Variants in STK32B observed in about 807,000 individuals in gnomAD.
The protein encoded by STK32B is serine/threonine-protein kinase 32B.
A neutral mutation model predicts 52.6 loss-of-function variants in STK32B; 43 were observed. The observed-to-expected ratio is 0.82, with a 90% confidence interval of 0.64 to 1.05. The LOEUF is 1.05. STK32B is among the 50% of genes least tolerant of loss of function. The pLI is 0.00. For missense variants in STK32B, 621 were observed against 534.6 expected (o/e 1.16, Z -1.59); for synonymous variants, 238 against 204.3 (o/e 1.17, Z -1.41).
intron 3 of STK32B, among the ~76,000 whole-genome samples, chr4:5,292,752 G>T (rs1428393896): frequency 6.6e-6 from 1 of 151,778 alleles, no homozygotes; most frequent in Non-Finnish European, 1.5e-5. Context: ...GTATTTCCTA[G>T]GTTTTGCTCT....
chr4:5,274,117 G>A (rs942542050), intron 3 of STK32B, among the ~76,000 whole-genome samples: 1 of 152,140 alleles, frequency 6.6e-6, no homozygotes, highest in African/African-American at 2.4e-5. Flanking sequence ...AAGATTTTAT[G>A]TAGAAATTGA....
intron 9 of STK32B, among the ~76,000 whole-genome samples, chr4:5,463,637 ACT>A (rs538194579): frequency 1.3e-4 from 19 of 151,828 alleles, no homozygotes; most frequent in Non-Finnish European, 2.8e-4. Flanking sequence ...ACACATGCAC[ACT>A]CCCATACAAA....
intron 3 of STK32B, among the ~76,000 whole-genome samples, chr4:5,246,212 A>G (rs1201187652): frequency 3.3e-5 from 5 of 152,210 alleles, no homozygotes; most frequent in African/African-American, 7.2e-5. Flanking sequence ...AGGTACACCA[A>G]TGAGACGTAG....
chr4:5,221,529 A>G (rs534538356), intron 3 of STK32B, among the ~76,000 whole-genome samples: 2 of 152,174 alleles, frequency 1.3e-5, no homozygotes, highest in South Asian at 2.1e-4. Flanking sequence ...TGGGAGAGAA[A>G]TAACTAACCT....
chr4:5,443,579 C>T lies in STK32B; in HGVS notation c.563-3094C>T, dbSNP rs560279540. Among the ~76,000 whole-genome samples the T allele has an allele frequency of 2.8e-3, 431 of 152,246 alleles. 1 individual carries two copies. Among genetic ancestry groups the T allele is most frequent in the African/African-American group, 9.7e-3 (405 of 41,544 alleles). On this transcript the variant is annotated intron_variant, in intron 6 of 11. Coordinates refer to ENST00000282908, the MANE Select transcript of STK32B (RefSeq NM_018401.3). ...CTCCCATAGCTCAGAGTAATTTGAT[C>T]GTCTGAAGCCTTCTCTCAGCTTGTC...
In STK32B at chr4:5,140,152, C is replaced by T. The variant is rs773852988; in HGVS notation, c.108+192C>T. On this transcript the variant is annotated intron_variant, in intron 2 of 11. Transcript: ENST00000282908. Reference sequence around the variant, plus strand: ...AATTTTCTTCTGGAAATTAAATTACCACAACAGCCCTGGTTTAGGTGAATT... The same window carrying T: ...AATTTTCTTCTGGAAATTAAATTACTACAACAGCCCTGGTTTAGGTGAATT... 7.0e-6 allele frequency: 10 copies of T among 1,427,564 alleles called. No homozygotes were observed. In the Admixed American group the frequency reaches 1.2e-4, roughly 17 times the overall value. 88.4% of individuals were successfully genotyped at this position (1,427,564 alleles called of 1,614,324 possible). A position where few individuals can be genotyped will look rare whatever the true frequency, so the allele number is the denominator to read the frequency against.
rs12509727 is a variant in STK32B, at chr4:5,469,073, T to G, written c.1106+1003T>G. ...CTCAAAAAAAAAAAAAAAAATTATC[T>G]AGGGGATTTGTGGCTGTGGCTGACT... is the stretch of plus-strand genomic sequence containing the variant. On this transcript the variant is annotated intron_variant, in intron 11 of 11. Transcript: ENST00000282908. The surrounding 1 kb of genome is among the most constrained non-coding windows in gnomAD (Gnocchi z 4.7). Among the ~76,000 whole-genome samples, 48,400 of 148,742 alleles carry G rather than the reference T, an allele frequency of 0.33. 9,081 individuals are homozygous for G. The highest frequency in any genetic ancestry group is 0.43 in the Non-Finnish European group (28,742 of 67,394).
chr4:5,280,847 C>T (rs962721724), intron 3 of STK32B, among the ~76,000 whole-genome samples: 2 of 151,920 alleles, frequency 1.3e-5, no homozygotes, highest in Admixed American at 6.6e-5. Context: ...TGCAGTGAGC[C>T]GACATCGTAC....
intron 1 of STK32B, among the ~76,000 whole-genome samples, chr4:5,091,670 A>G (rs565309829): frequency 2.0e-4 from 30 of 152,346 alleles, no homozygotes; most frequent in African/African-American, 6.5e-4. Flanking sequence ...GTTCCTAAAA[A>G]AATTAAAGAT....
intron 1 of STK32B, among the ~76,000 whole-genome samples, chr4:5,081,759 C>A (rs1689658723): frequency 6.6e-6 from 1 of 152,044 alleles, no homozygotes; most frequent in Admixed American, 6.6e-5. Flanking sequence ...TGTTAAACTT[C>A]TAGTTTTTGT....
intron 2 of STK32B, among the ~76,000 whole-genome samples, chr4:5,165,942 C>T (rs1322852559): frequency 1.3e-5 from 2 of 152,192 alleles, no homozygotes; most frequent in African/African-American, 2.4e-5. Context: ...CTCCCACTTC[C>T]TGCTCCTGTT....
chr4:5,054,917 TATA>T (rs1333049001), intron 1 of STK32B, among the ~76,000 whole-genome samples: 1 of 152,184 alleles, frequency 6.6e-6, no homozygotes, highest in East Asian at 1.9e-4. Flanking sequence ...TCACATGATA[TATA>T]ATAAGCAGAG....
chr4:5,096,994 C>G (rs1179572342), intron 1 of STK32B, among the ~76,000 whole-genome samples: 5 of 152,166 alleles, frequency 3.3e-5, no homozygotes, highest in Non-Finnish European at 5.9e-5. Flanking sequence ...AAGAGGAAAT[C>G]GAAGCTGAGA....
chr4:5,394,970 C>T lies in STK32B; in HGVS notation c.435-3237C>T, dbSNP rs757525986. ...ATCTGCATAGGATCTCACAAAACTACAATCCACATGCCCACCGGGCTGCAC... is the reference window on the plus strand; with the variant it reads ...ATCTGCATAGGATCTCACAAAACTATAATCCACATGCCCACCGGGCTGCAC... On this transcript the variant is annotated intron_variant, in intron 4 of 11. Coordinates refer to ENST00000282908, the MANE Select transcript of STK32B (RefSeq NM_018401.3). The surrounding 1 kb of genome is among the most constrained non-coding windows in gnomAD (Gnocchi z 4.2). Among the ~76,000 whole-genome samples, 2 of 152,208 alleles carry T rather than the reference C, an allele frequency of 1.3e-5. No homozygotes were observed. Among genetic ancestry groups the T allele is most frequent in the Non-Finnish European group, 2.9e-5 (2 of 68,040 alleles).
rs147203757 is a variant in STK32B at position 5,391,225 on chromosome 4, G to A, written c.435-6982G>A. Among the ~76,000 whole-genome samples the A allele has an allele frequency of 5.6e-3, 849 of 152,190 alleles. 6 individuals carry two copies. Among genetic ancestry groups the A allele is most frequent in the African/African-American group, 0.019 (804 of 41,530 alleles). On this transcript the variant is annotated intron_variant, in intron 4 of 11. Coordinates refer to ENST00000282908, the MANE Select transcript of STK32B (RefSeq NM_018401.3). ...TCTACCTGCCTTGGCCTCCTAAAGT[G>A]CTGGAATTACAGGTGTGAGCCACGG...
intron 3 of STK32B, among the ~76,000 whole-genome samples, chr4:5,241,346 G>T (rs12696680): frequency 0.26 from 38,752 of 151,838 alleles, 6,077 homozygotes; most frequent in African/African-American, 0.44. Context: ...CATTATTTTC[G>T]TTTACAAAAA....
intron 4 of STK32B, among the ~76,000 whole-genome samples, chr4:5,369,588 A>G (rs1201136164): frequency 1.3e-5 from 2 of 152,070 alleles, no homozygotes; most frequent in African/African-American, 4.8e-5. Context: ...GGGCGTCCTC[A>G]TGGGCAGGGG....
chr4:5,315,626 G>A (rs991693802), intron 3 of STK32B, among the ~76,000 whole-genome samples: 1 of 151,490 alleles, frequency 6.6e-6, no homozygotes, highest in African/African-American at 2.4e-5. Context: ...AAGAGTAGAT[G>A]AAGGAAGGAA....
chr4:5,286,236 C>T (rs781618203), intron 3 of STK32B, among the ~76,000 whole-genome samples: 1 of 152,144 alleles, frequency 6.6e-6, no homozygotes, highest in South Asian at 2.1e-4. Context: ...CATTAAAAAC[C>T]ATTTTACACC....
Sources: allele counts gnomAD v4.1 joint callset (sites outside exome capture counted in the v4.1 genomes callset), GRCh38; gene constraint gnomAD v4.1.1; non-coding constraint Gnocchi (gnomAD v3.1); transcripts MANE v1.5; gene names NCBI Gene and HGNC (gene_info 2026-07-23, HGNC 2026-07-21).